Variants in GRM5 observed in about 807,000 individuals in gnomAD.
The protein encoded by GRM5 is metabotropic glutamate receptor 5.
A neutral mutation model predicts 83.1 loss-of-function variants in GRM5; 19 were observed. The observed-to-expected ratio is 0.23, with a 90% CI of 0.16 to 0.34. The LOEUF (loss-of-function observed/expected upper bound fraction) is 0.34, where lower values mean the gene tolerates loss of function less well. GRM5 is among the 10% of genes least tolerant of loss of function. The probability of loss-of-function intolerance (pLI) is 1.00; values close to 1 mark genes in which losing one functional copy is unlikely to be tolerated. For synonymous variants in GRM5, 675 were observed against 633.6 expected (o/e 1.07, Z -0.98); for missense variants, 1,160 against 1,588.3 (o/e 0.73, Z 4.58).
chr11:88,802,680 G>T (rs1260133987), intron 3 of GRM5, among the ~76,000 whole-genome samples: 1 of 151,678 alleles, frequency 6.6e-6, no homozygotes, highest in East Asian at 1.9e-4. Flanking sequence ...GGAAGTTCTG[G>T]CCAGGGCAAT....
chr11:88,881,934 CA>C (rs758810218), intron 2 of GRM5, among the ~76,000 whole-genome samples: 84 of 152,146 alleles, frequency 5.5e-4, no homozygotes, highest in Non-Finnish European at 1.8e-4. Flanking sequence ...ATTTTCTATA[CA>C]AAATACAAAT....
chr11:88,580,038 G>A (rs1591361943), intron 7 of GRM5, among the ~76,000 whole-genome samples: 2 of 152,344 alleles, frequency 1.3e-5, no homozygotes, highest in East Asian at 3.9e-4. Flanking sequence ...CTGACTAAAG[G>A]ATGTGCAAGA....
At chr11:88,669,202 T>C (rs562007031) in intron 3 of GRM5, among the ~76,000 whole-genome samples, 1 of 152,244 alleles carries the variant, frequency 6.6e-6, no homozygotes, top group South Asian at 2.1e-4. Context: ...ATTATTTTAA[T>C]TTTCGAAAGC....
At chr11:88,718,451 A>G (rs1477610381) in intron 3 of GRM5, among the ~76,000 whole-genome samples, 1 of 152,036 alleles carries the variant, frequency 6.6e-6, no homozygotes, top group Non-Finnish European at 1.5e-5. Context: ...AGAGTGGTGT[A>G]TAACATTCAC....
intron 3 of GRM5, among the ~76,000 whole-genome samples, chr11:88,783,592 T>C (rs540186082): frequency 6.6e-6 from 1 of 152,162 alleles, no homozygotes; most frequent in Non-Finnish European, 1.5e-5. Context: ...ATAACCATGA[T>C]TTTCCAAGAG....
chr11:88,798,820 A>AAAAAC (rs1555017417), intron 3 of GRM5, among the ~76,000 whole-genome samples: 60 of 136,300 alleles, frequency 4.4e-4, no homozygotes, highest in African/African-American at 1.1e-3. Context: ...AAAAAAAAAA[A>AAAAAC]AAAAAAACAA....
intron 2 of GRM5, among the ~76,000 whole-genome samples, chr11:88,915,209 G>A (rs562087207): frequency 1.3e-5 from 2 of 152,196 alleles, no homozygotes; most frequent in South Asian, 2.1e-4. Context: ...GAGAGGAGGA[G>A]GAGGAGAAAA....
chr11:88,784,241 A>C (rs981430794), intron 3 of GRM5, among the ~76,000 whole-genome samples: 1 of 152,066 alleles, frequency 6.6e-6, no homozygotes, highest in African/African-American at 2.4e-5. Context: ...AGACAATGCA[A>C]TGTGACCTAA....
At chr11:88,788,980 T>C (rs1376113867) in intron 3 of GRM5, among the ~76,000 whole-genome samples, 1 of 152,198 alleles carries the variant, frequency 6.6e-6, no homozygotes, top group East Asian at 1.9e-4. Flanking sequence ...ATGTTCTCAT[T>C]GTCCTCTTGG....
At chr11:88,585,480 A>G (rs928287824) in intron 7 of GRM5, among the ~76,000 whole-genome samples, 2 of 152,160 alleles carry the variant, frequency 1.3e-5, no homozygotes, top group African/African-American at 4.8e-5. Context: ...AATATTTACC[A>G]TAGTTTACCA....
At chr11:88,715,167 T>C (rs1941372562) in intron 3 of GRM5, among the ~76,000 whole-genome samples, 1 of 152,060 alleles carries the variant, frequency 6.6e-6, no homozygotes, top group South Asian at 2.1e-4. Context: ...TGTCAGTGCT[T>C]AAAATAGTAC....
At chr11:88,652,134 C>T (rs1307738942) in intron 4 of GRM5, among the ~76,000 whole-genome samples, 1 of 152,030 alleles carries the variant, frequency 6.6e-6, no homozygotes, top group African/African-American at 2.4e-5. Flanking sequence ...AAAAACTTAT[C>T]AGAGCAAGTA....
chr11:88,630,053 C>T (rs542755977), intron 4 of GRM5, among the ~76,000 whole-genome samples: 11 of 152,276 alleles, frequency 7.2e-5, no homozygotes, highest in African/African-American at 2.4e-4. Flanking sequence ...CCTGTGATTT[C>T]CTTCTCCTGA....
At chr11:88,719,486 A>G (rs1941483307) in intron 3 of GRM5, among the ~76,000 whole-genome samples, 1 of 151,952 alleles carries the variant, frequency 6.6e-6, no homozygotes, top group East Asian at 1.9e-4. Context: ...GGTTGATTCC[A>G]TGTCTTTTCT....
chr11:88,713,447 A>G (rs1490383181), intron 3 of GRM5, among the ~76,000 whole-genome samples: 3 of 152,056 alleles, frequency 2.0e-5, no homozygotes, highest in Non-Finnish European at 4.4e-5. Context: ...ATTGTATGTC[A>G]TGTAATAGGT....
At chr11:88,628,620 T>C (rs1196317574) in intron 4 of GRM5, among the ~76,000 whole-genome samples, 2 of 152,202 alleles carry the variant, frequency 1.3e-5, no homozygotes, top group African/African-American at 4.8e-5. Flanking sequence ...CCTTTAACTC[T>C]TGTAGTCACT....
At chr11:88,564,822 C>T (rs1942837859) in intron 8 of GRM5, among the ~76,000 whole-genome samples, 1 of 152,186 alleles carries the variant, frequency 6.6e-6, no homozygotes, top group Non-Finnish European at 1.5e-5. Flanking sequence ...ATGTGCTATA[C>T]AGAATGGCAA....
chr11:88,854,186 G>T, intron 2 of GRM5, among the ~76,000 whole-genome samples: 1 of 151,296 alleles, frequency 6.6e-6, no homozygotes, highest in African/African-American at 2.4e-5. Context: ...CCGCTAATGG[G>T]ACCTGTTAGA....
chr11:88,831,285 A>T (rs1471832230), intron 3 of GRM5, among the ~76,000 whole-genome samples: 1 of 152,236 alleles, frequency 6.6e-6, no homozygotes, highest in Non-Finnish European at 1.5e-5. Context: ...CCCAACTGCC[A>T]CAAGTAGCAG....
Sources: gnomAD v4.1 joint callset for allele counts (sites outside exome capture counted in the v4.1 genomes callset) on GRCh38, gnomAD v4.1.1 for gene constraint, MANE v1.5 for transcripts, NCBI Gene and HGNC (gene_info 2026-07-23, HGNC 2026-07-21) for gene names.